The following NAALADL2 variants were observed in gnomAD, a reference collection of about 807,000 sequenced individuals.
NAALADL2 encodes the protein inactive N-acetylated-alpha-linked acidic dipeptidase-like protein 2.
In NAALADL2, 76 loss-of-function variants were observed where a neutral mutation model predicts 87.2. That is an observed-to-expected ratio of 0.87 (90% CI 0.72 to 1.05). NAALADL2 has a LOEUF of 1.05. NAALADL2 is among the 50% of genes least tolerant of loss of function. The pLI is 0.00. For synonymous variants in NAALADL2, 354 were observed against 331.0 expected (o/e 1.07, Z -0.75); for missense variants, 1,089 against 945.8 (o/e 1.15, Z -1.99).
At chr3:175,100,880 T>C (rs1560027226) in intron 2 of NAALADL2, among the ~76,000 whole-genome samples, 1 of 148,628 alleles carries the variant, frequency 6.7e-6, no homozygotes, top group African/African-American at 2.5e-5. Context: ...AAAGAGGTAG[T>C]TGTTTTAGGT....
chr3:174,720,529 A>T (rs1431185840), intron 2 of NAALADL2, among the ~76,000 whole-genome samples: 2 of 152,198 alleles, frequency 1.3e-5, no homozygotes, highest in African/African-American at 4.8e-5. Flanking sequence ...GTTAGTATAA[A>T]TTTATATAAT....
At chr3:175,663,707 C>T (rs1023874917) in intron 11 of NAALADL2, among the ~76,000 whole-genome samples, 1 of 151,688 alleles carries the variant, frequency 6.6e-6, no homozygotes, top group African/African-American at 2.4e-5. Flanking sequence ...AGAAACTTGG[C>T]ATAATTAAGA....
intron 3 of NAALADL2, among the ~76,000 whole-genome samples, chr3:174,763,824 CAAAACA>C (rs1713413123): frequency 1.7e-5 from 1 of 58,150 alleles, no homozygotes; most frequent in African/African-American, 9.0e-5. Flanking sequence ...AAAACCAAAA[CAAAACA>C]AAAAAAAAAA....
intron 9 of NAALADL2, among the ~76,000 whole-genome samples, chr3:175,541,361 A>G (rs889016716): frequency 1.3e-5 from 2 of 152,222 alleles, no homozygotes. Context: ...TAATACACCT[A>G]ACCTTTCAAA....
chr3:175,551,087 C>T (rs183205682), intron 9 of NAALADL2, among the ~76,000 whole-genome samples: 9 of 149,412 alleles, frequency 6.0e-5, no homozygotes, highest in South Asian at 2.1e-4. Context: ...TGTGTCTCTG[C>T]GTGTGTGTGT....
At chr3:175,342,830 G>GTCCAA (rs1762704802) in intron 5 of NAALADL2, among the ~76,000 whole-genome samples, 1 of 151,930 alleles carries the variant, frequency 6.6e-6, no homozygotes, top group South Asian at 2.1e-4. Flanking sequence ...TTTTCATCAT[G>GTCCAA]TCCAATGTTT....
At chr3:175,245,830 C>CA (rs1051600312) in intron 3 of NAALADL2, among the ~76,000 whole-genome samples, 22 of 152,160 alleles carry the variant, frequency 1.4e-4, no homozygotes, top group African/African-American at 4.3e-4. Context: ...GATTGGAGGT[C>CA]CATTTTAACT....
intron 2 of NAALADL2, among the ~76,000 whole-genome samples, chr3:174,657,904 T>G (rs1382077092): frequency 6.6e-6 from 1 of 152,192 alleles, no homozygotes; most frequent in Non-Finnish European, 1.5e-5. Context: ...TCAGATTGGC[T>G]TCCTTCACTT....
At chr3:175,520,595 G>A (rs1410908124) in intron 9 of NAALADL2, among the ~76,000 whole-genome samples, 1 of 152,148 alleles carries the variant, frequency 6.6e-6, no homozygotes, top group Admixed American at 6.5e-5. Context: ...ACCGCGCCCG[G>A]CCCAAGAATG....
chr3:175,793,307 CTTTT>C (rs66905230), intron 13 of NAALADL2, among the ~76,000 whole-genome samples: 5 of 116,914 alleles, frequency 4.3e-5, no homozygotes, highest in Non-Finnish European at 8.8e-5. Context: ...CATTTTCTTT[CTTTT>C]TTTTTTTTTT....
chr3:174,971,785 C>T (rs1327694778), intron 1 of NAALADL2, among the ~76,000 whole-genome samples: 2 of 151,846 alleles, frequency 1.3e-5, no homozygotes, highest in Non-Finnish European at 2.9e-5. Flanking sequence ...GCAACCTCTG[C>T]CTCCTGGTTT....
At chr3:174,695,834 A>G in intron 2 of NAALADL2, among the ~76,000 whole-genome samples, 1 of 151,734 alleles carries the variant, frequency 6.6e-6, no homozygotes, top group Non-Finnish European at 1.5e-5. Flanking sequence ...TATGCCCAAT[A>G]TCATCCAATA....
At chr3:175,405,047 A>G (rs983889381) in intron 5 of NAALADL2, among the ~76,000 whole-genome samples, 3 of 152,178 alleles carry the variant, frequency 2.0e-5, no homozygotes, top group African/African-American at 7.2e-5. Context: ...AATCACCTAT[A>G]TCCAACTTTA....
chr3:175,437,289 A>G (rs1374444860), intron 5 of NAALADL2, among the ~76,000 whole-genome samples: 2 of 145,822 alleles, frequency 1.4e-5, no homozygotes, highest in African/African-American at 5.2e-5. Context: ...AATCACAAGC[A>G]TTCTTATACA....
intron 9 of NAALADL2, among the ~76,000 whole-genome samples, chr3:175,519,906 G>A (rs16825891): frequency 0.2 from 30,170 of 152,068 alleles, 4,188 homozygotes; most frequent in African/African-American, 0.39. Flanking sequence ...AATTAATGAC[G>A]TCAAATTTCA....
chr3:175,720,389 T>C (rs892581237), intron 11 of NAALADL2, among the ~76,000 whole-genome samples: 1 of 151,994 alleles, frequency 6.6e-6, no homozygotes, highest in Non-Finnish European at 1.5e-5. Flanking sequence ...GGAATGTATA[T>C]AAATGTTGAG....
chr3:174,830,039 G>A (rs1722482678), intron 3 of NAALADL2, among the ~76,000 whole-genome samples: 1 of 124,016 alleles, frequency 8.1e-6, no homozygotes, highest in African/African-American at 3.3e-5. Flanking sequence ...TGAGTAGGTT[G>A]TGAAAATTTT....
At chr3:175,712,285 T>C (rs985043843) in intron 11 of NAALADL2, among the ~76,000 whole-genome samples, 2 of 152,064 alleles carry the variant, frequency 1.3e-5, no homozygotes, top group African/African-American at 4.8e-5. Flanking sequence ...TACATTTATA[T>C]CATCCGTCTG....
chr3:175,206,030 C>G (rs1740786347), intron 2 of NAALADL2, among the ~76,000 whole-genome samples: 1 of 151,776 alleles, frequency 6.6e-6, no homozygotes, highest in African/African-American at 2.4e-5. Context: ...CTATGGAAAA[C>G]AGTGTGGAGA....
Sources: gnomAD v4.1 joint callset for allele counts (sites outside exome capture counted in the v4.1 genomes callset) on GRCh38, gnomAD v4.1.1 for gene constraint, MANE v1.5 for transcripts, NCBI Gene and HGNC (gene_info 2026-07-23, HGNC 2026-07-21) for gene names.